Variants in TSPEAR observed in about 807,000 individuals in gnomAD.
TSPEAR encodes the protein thrombospondin-type laminin G domain and EAR repeat-containing protein.
In TSPEAR, 69 loss-of-function variants were observed where a neutral mutation model predicts 71.6. That is an observed-to-expected ratio of 0.96 (90% CI 0.79 to 1.18). The LOEUF is 1.18. Ranked by LOEUF, TSPEAR falls within the 50% of genes most tolerant of loss-of-function variation. The pLI, the probability that TSPEAR is intolerant of heterozygous loss-of-function variation, is 0.00. For synonymous variants in TSPEAR, 402 were observed against 387.2 expected (o/e 1.04, Z -0.45); for missense variants, 971 against 894.9 (o/e 1.09, Z -1.09).
At chr21:44,550,066 T>C (rs1601401148) in intron 2 of TSPEAR, among the ~76,000 whole-genome samples, 1 of 152,186 alleles carries the variant, frequency 6.6e-6, no homozygotes. Flanking sequence ...ACCCTTGCCA[T>C]GGGAAGGAGC....
At chr21:44,599,173 C>CTCTCTCTCTCTCTCTCTCTCTCT (rs1980600867) in intron 1 of TSPEAR, among the ~76,000 whole-genome samples, 1 of 4,614 alleles carries the variant, frequency 2.2e-4, no homozygotes, top group Non-Finnish European at 1.8e-3. Flanking sequence ...TCTCTCTCTC[C>CTCTCTCTCTCTCTCTCTCTCTCT]TTCCATCCCA....
intron 9 of TSPEAR, chr21:44,519,650 G>A (rs1555913995): frequency 2.6e-5 from 4 of 152,398 alleles, no homozygotes; most frequent in Non-Finnish European, 5.9e-5. Context: ...GTGGTGAGAG[G>A]ACTGTGCAGG....
Position 44,525,788 on chromosome 21 carries a change from A to C in TSPEAR, c.1201T>G (p.Ser401Ala). The change falls in exon 8 of 12, where the codon TCT becomes GCT. Residue 401 changes from serine (S) to alanine (A), a missense_variant. Ser to Ala is a moderately conservative substitution (Grantham distance 99). Coordinates refer to ENST00000323084, the MANE Select transcript of TSPEAR (RefSeq NM_144991.3). ...FEPDEKGQEF[S>A]VIYKWSHRKL... The stretch of plus-strand genomic sequence containing the variant: ...CTGTGGCTCCATTTGTAAATGACAG[A>C]GAACTCCTGACCCTTCTCATCTGGT... 1 of 1,614,180 alleles carries C rather than the reference A, an allele frequency of 6.2e-7. No homozygotes were observed. The highest frequency in any genetic ancestry group is 8.5e-7 in the Non-Finnish European group (1 of 1,180,044).
At chr21:44,676,131 C>T (rs918190890) in intron 1 of TSPEAR, 11 of 924,552 alleles carry the variant, frequency 1.2e-5, no homozygotes, top group African/African-American at 4.9e-5. Context: ...GTTGCTGAGG[C>T]GGGAATAGAA....
Position 44,574,404 on chromosome 21 carries a change from C to T in TSPEAR, c.83-6399G>A, listed in dbSNP as rs1376837062. On this transcript the variant is annotated intron_variant, in intron 1 of 11. Coordinates refer to ENST00000323084, the MANE Select transcript of TSPEAR (RefSeq NM_144991.3). ...GTGCTGCCAGCAGTCTAGCTGCCAG[C>T]CGGCTTGCTGCACCTCCTCCTCCTG... 7 of 1,599,618 alleles carry T rather than the reference C, an allele frequency of 4.4e-6. No individual in the cohort carries two copies. The African/African-American group carries it at 8.3e-5, about 19-fold the overall frequency.
At chr21:44,636,055 T>C (rs1305508526) in intron 1 of TSPEAR, among the ~76,000 whole-genome samples, 3 of 152,172 alleles carry the variant, frequency 2.0e-5, no homozygotes, top group African/African-American at 7.2e-5. Flanking sequence ...CCTGTTTTAG[T>C]GGTAAGGACT....
At chr21:44,688,085 T>C (rs1217390362) in intron 1 of TSPEAR, among the ~76,000 whole-genome samples, 1 of 152,174 alleles carries the variant, frequency 6.6e-6, no homozygotes, top group African/African-American at 2.4e-5. Context: ...AAAATAAAGA[T>C]AGTTTTTAAA....
At position 44,534,886 on chromosome 21, in the gene TSPEAR, C is replaced by T. The variant is rs185865119; in HGVS notation, c.304-963G>A. Among the ~76,000 whole-genome samples, 77 of 152,246 alleles carry T rather than the reference C, an allele frequency of 5.1e-4. 1 individual carries two copies. The highest frequency in any genetic ancestry group is 1.9e-4 in the East Asian group (1 of 5,186). On this transcript the variant is annotated intron_variant, in intron 2 of 11. Transcript: ENST00000323084. ...TAGAAGCAACACAAGTGTCCACGAA[C>T]GGATGGATGGGTAAACGCAGTGTGG...
At position 44,612,759 on chromosome 21, in the gene TSPEAR, C is replaced by T; in HGVS notation, c.83-44754G>A. ...CTCTGCCGCCCTGTGTGCCGGCCTGCCTGCTGTGTGCCTGTCCCCTCCTGT... is the reference window on the plus strand; with the variant it reads ...CTCTGCCGCCCTGTGTGCCGGCCTGTCTGCTGTGTGCCTGTCCCCTCCTGT... On this transcript the variant is annotated intron_variant, in intron 1 of 11. Coordinates refer to ENST00000323084, the MANE Select transcript of TSPEAR (RefSeq NM_144991.3). The surrounding 1 kb of genome is among the most constrained non-coding windows in gnomAD (Gnocchi z 4.1). The T allele has an allele frequency of 6.2e-7, 1 of 1,613,734 alleles. No homozygotes were observed. Among genetic ancestry groups the T allele is most frequent in the Non-Finnish European group, 8.5e-7 (1 of 1,179,950 alleles).
chr21:44,681,944 G>A, intron 1 of TSPEAR: 1 of 1,614,172 alleles, frequency 6.2e-7, no homozygotes, highest in Non-Finnish European at 8.5e-7. Flanking sequence ...CGACGGGCCT[G>A]CAGCTCACGG....
intron 1 of TSPEAR, among the ~76,000 whole-genome samples, chr21:44,590,876 G>A (rs868947269): frequency 0.03 from 4,482 of 151,768 alleles, 183 homozygotes; most frequent in African/African-American, 0.1. Context: ...GGGGGCCCAC[G>A]GGGCTAAGAG....
At chr21:44,549,010 G>C (rs1212441040) in intron 2 of TSPEAR, among the ~76,000 whole-genome samples, 1 of 152,234 alleles carries the variant, frequency 6.6e-6, no homozygotes, top group Non-Finnish European at 1.5e-5. Context: ...GCAGAGAAGT[G>C]CCTCTCACGT....
intron 1 of TSPEAR, chr21:44,600,777 C>T (rs1555928422): frequency 3.8e-6 from 6 of 1,599,724 alleles, no homozygotes; most frequent in Non-Finnish European, 5.1e-6. Context: ...CGGCCCCCTG[C>T]CTGAGCCTGG....
intron 1 of TSPEAR, among the ~76,000 whole-genome samples, chr21:44,708,390 C>T (rs1988050142): frequency 6.6e-6 from 1 of 152,168 alleles, no homozygotes. Flanking sequence ...CGCCAAGGAC[C>T]AGGACTCCCC....
intron 1 of TSPEAR, chr21:44,574,742 T>C: frequency 6.2e-7 from 1 of 1,612,606 alleles, no homozygotes; most frequent in Middle Eastern, 1.7e-4. Context: ...CTGTGAGCTG[T>C]GTGCCTGTTT....
chr21:44,539,138 G>T, intron 2 of TSPEAR: 2 of 1,255,566 alleles, frequency 1.6e-6, no homozygotes, highest in African/African-American at 1.5e-5. Flanking sequence ...GAGCTGCAAG[G>T]ATGGAGGCTC....
intron 2 of TSPEAR, chr21:44,558,531 C>T (rs781902545): frequency 1.9e-6 from 3 of 1,613,470 alleles, no homozygotes; most frequent in South Asian, 1.1e-5. Flanking sequence ...GCTGGGCTCA[C>T]AGGCCGCCTG....
In TSPEAR at chr21:44,546,395, T is replaced by C. The variant is rs1337641362; in HGVS notation, c.304-12472A>G. Among the ~76,000 whole-genome samples, 1 of 152,210 alleles carries C rather than the reference T, an allele frequency of 6.6e-6. No homozygotes were observed. On this transcript the variant is annotated intron_variant, in intron 2 of 11. Transcript: ENST00000323084. The surrounding 1 kb of genome is among the most constrained non-coding windows in gnomAD (Gnocchi z 4.4). ...TGTTGCCCAGGCTGGAGTGCAGTGG[T>C]GCGATCTCTGCTCACTGCAAGCTCC...
At chr21:44,647,340 G>A in intron 1 of TSPEAR, 1 of 1,613,722 alleles carries the variant, frequency 6.2e-7, no homozygotes, top group Non-Finnish European at 8.5e-7. Context: ...GCTCAGGCAA[G>A]AAGTCCAGCT....
Sources: allele counts gnomAD v4.1 joint callset (sites outside exome capture counted in the v4.1 genomes callset), GRCh38; gene constraint gnomAD v4.1.1; non-coding constraint Gnocchi (gnomAD v3.1); transcripts MANE v1.5; gene names NCBI Gene and HGNC (gene_info 2026-07-23, HGNC 2026-07-21).